CLEC16A: variants seen among roughly 807,000 people sequenced by gnomAD.
CLEC16A encodes the protein C-type lectin domain containing 16A.
A neutral mutation model predicts 109.5 loss-of-function variants in CLEC16A; 51 were observed. The ratio of observed to expected loss-of-function variants is 0.47; its 90% CI spans 0.37 to 0.59. The LOEUF (loss-of-function observed/expected upper bound fraction) is 0.59. Among genes scored for constraint, CLEC16A ranks in the 20% least tolerant of loss-of-function variants. The probability of loss-of-function intolerance (pLI) is 0.00; values close to 1 mark genes in which losing one functional copy is unlikely to be tolerated. For synonymous variants in CLEC16A, 673 were observed against 564.2 expected (o/e 1.19, Z -2.73); for missense variants, 1,339 against 1,394.0 (o/e 0.96, Z 0.63).
intron 22 of CLEC16A, among the ~76,000 whole-genome samples, chr16:11,154,274 A>C (rs969537498): frequency 6.6e-6 from 1 of 152,232 alleles, no homozygotes; most frequent in Non-Finnish European, 1.5e-5. Context: ...TCTGTAGGTC[A>C]AGTTAGTTGA....
intron 19 of CLEC16A, among the ~76,000 whole-genome samples, chr16:11,117,460 G>T (rs963347687): frequency 6.6e-6 from 1 of 151,946 alleles, no homozygotes; most frequent in Admixed American, 6.6e-5. Flanking sequence ...AAAACTCTTG[G>T]TAATAACATT....
intron 19 of CLEC16A, among the ~76,000 whole-genome samples, chr16:11,102,074 A>G (rs2050952262): frequency 6.6e-6 from 1 of 151,624 alleles, no homozygotes; most frequent in African/African-American, 2.4e-5. Context: ...CAGCCTCCCA[A>G]AGTGTTGGGA....
Position 10,969,394 on chromosome 16 carries a change from G to C in CLEC16A, c.492+85G>C, listed in dbSNP as rs1229347324. The C allele has an allele frequency of 1.3e-5, 12 of 944,290 alleles. 1 individual carries two copies. Among genetic ancestry groups the C allele is most frequent in the African/African-American group, 1.7e-5 (1 of 57,458 alleles). The allele number at this position is 944,290 out of a possible 1,614,324, so 58.5% of individuals were successfully genotyped here. On this transcript the variant is annotated intron_variant, in intron 4 of 23. Coordinates refer to ENST00000409790, the MANE Select transcript of CLEC16A (RefSeq NM_015226.3). ...TTTTTTACGGCAGCGCCTTATATCT[G>C]GATGGTCTTGTGTCTGTTTACAAAG...
chr16:11,137,495 C>T (rs1222085699), intron 22 of CLEC16A, among the ~76,000 whole-genome samples: 5 of 150,536 alleles, frequency 3.3e-5, no homozygotes, highest in African/African-American at 2.4e-5. Flanking sequence ...GTGGCTCACA[C>T]CTTTAATCCC....
At chr16:11,092,353 C>G (rs1022677669) in intron 19 of CLEC16A, among the ~76,000 whole-genome samples, 3 of 119,398 alleles carry the variant, frequency 2.5e-5, no homozygotes, top group Non-Finnish European at 5.0e-5. Context: ...AAAAAACAAA[C>G]AAAAACAAAC....
At chr16:11,137,203 C>T (rs2053609159) in intron 22 of CLEC16A, among the ~76,000 whole-genome samples, 1 of 151,666 alleles carries the variant, frequency 6.6e-6, no homozygotes, top group Non-Finnish European at 1.5e-5. Context: ...TTTTTCTTTG[C>T]TTCTGAATCA....
At chr16:11,112,580 G>A (rs900090312) in intron 19 of CLEC16A, among the ~76,000 whole-genome samples, 4 of 151,846 alleles carry the variant, frequency 2.6e-5, no homozygotes, top group East Asian at 1.9e-4. Flanking sequence ...CAGGAGGATC[G>A]CTTGGGTGCA....
chr16:11,060,132 C>G (rs2048402720), intron 18 of CLEC16A, among the ~76,000 whole-genome samples: 1 of 152,216 alleles, frequency 6.6e-6, no homozygotes, highest in Non-Finnish European at 1.5e-5. Flanking sequence ...CCACACAATT[C>G]TGACCAGACA....
intron 19 of CLEC16A, among the ~76,000 whole-genome samples, chr16:11,063,519 C>T (rs1423268908): frequency 6.6e-6 from 1 of 151,996 alleles, no homozygotes; most frequent in Middle Eastern, 3.2e-3. Flanking sequence ...GGACTGCTCA[C>T]CATTTACCTG....
chr16:11,157,984 G>A (rs2054595004), intron 22 of CLEC16A, among the ~76,000 whole-genome samples: 1 of 152,150 alleles, frequency 6.6e-6, no homozygotes, highest in African/African-American at 2.4e-5. Flanking sequence ...TTTCTAGTAA[G>A]CCGCAATCTG....
At chr16:11,144,703 C>T (rs1368564236) in intron 22 of CLEC16A, among the ~76,000 whole-genome samples, 1 of 152,200 alleles carries the variant, frequency 6.6e-6, no homozygotes, top group African/African-American at 2.4e-5. Flanking sequence ...AGGCCTAACC[C>T]AGTTAAGTCA....
At chr16:11,112,794 G>T (rs377302967) in intron 19 of CLEC16A, among the ~76,000 whole-genome samples, 8 of 152,334 alleles carry the variant, frequency 5.3e-5, no homozygotes, top group African/African-American at 1.9e-4. Context: ...ACAAGGTTCC[G>T]CTAGGAGGCA....
intron 11 of CLEC16A, among the ~76,000 whole-genome samples, chr16:11,009,992 A>T (rs2045301798): frequency 6.6e-6 from 1 of 152,134 alleles, no homozygotes; most frequent in Non-Finnish European, 1.5e-5. Context: ...TGTCTGTACA[A>T]AAAATAAAAA....
At chr16:11,041,496 G>A (rs2047332632) in intron 14 of CLEC16A, 1 of 152,254 alleles carries the variant, frequency 6.6e-6, no homozygotes, top group Non-Finnish European at 1.5e-5. Context: ...GGGTTGACGA[G>A]ATAAATGCCA....
intron 19 of CLEC16A, among the ~76,000 whole-genome samples, chr16:11,095,972 A>G (rs1319820849): frequency 1.3e-5 from 2 of 152,182 alleles, no homozygotes; most frequent in Non-Finnish European, 2.9e-5. Flanking sequence ...CTGCAGGTGC[A>G]CACCATCACA....
intron 10 of CLEC16A, among the ~76,000 whole-genome samples, chr16:10,988,836 T>G (rs976352347): frequency 6.6e-6 from 1 of 152,218 alleles, no homozygotes; most frequent in African/African-American, 2.4e-5. Flanking sequence ...TGTAAAGTGC[T>G]TACTCCAAAG....
intron 5 of CLEC16A, among the ~76,000 whole-genome samples, chr16:10,971,888 A>C (rs575255956): frequency 9.6e-4 from 147 of 152,354 alleles, no homozygotes; most frequent in Non-Finnish European, 1.9e-3. Context: ...GAGTCACCAC[A>C]GTGGAGATGG....
At chr16:11,166,750 G>A (rs2068281354) in intron 23 of CLEC16A, among the ~76,000 whole-genome samples, 198 bp downstream of exon 23, 1 of 152,188 alleles carries the variant, frequency 6.6e-6, no homozygotes, top group African/African-American at 2.4e-5. Context: ...CTCCCAGATG[G>A]GGAAGAATTG....
chr16:11,087,188 C>T (rs959764286), intron 19 of CLEC16A, among the ~76,000 whole-genome samples: 5 of 152,212 alleles, frequency 3.3e-5, no homozygotes, highest in Non-Finnish European at 5.9e-5. Context: ...CCATCTAAAA[C>T]CATCTTAGGT....
Sources: gnomAD v4.1 joint callset for allele counts (sites outside exome capture counted in the v4.1 genomes callset) on GRCh38, gnomAD v4.1.1 for gene constraint, MANE v1.5 for transcripts, NCBI Gene and HGNC (gene_info 2026-07-23, HGNC 2026-07-21) for gene names.